RBFOX1: variants seen among roughly 807,000 people sequenced by gnomAD.
RBFOX1 encodes the protein RNA binding protein fox-1 homolog 1.
A neutral mutation model predicts 57.7 loss-of-function variants in RBFOX1; 8 were observed. That is an observed-to-expected ratio of 0.14 (90% confidence interval 0.08 to 0.25). The LOEUF (loss-of-function observed/expected upper bound fraction) is 0.25. Among genes scored for constraint, RBFOX1 ranks in the 10% least tolerant of loss-of-function variants. RBFOX1 has a pLI of 1.00. For missense variants in RBFOX1, 611 were observed against 548.5 expected (o/e 1.11, Z -1.14); for synonymous variants, 326 against 222.4 (o/e 1.47, Z -4.15).
At chr16:6,297,543 T>C (rs1373851778) in intron 1 of RBFOX1, among the ~76,000 whole-genome samples, 1 of 152,096 alleles carries the variant, frequency 6.6e-6, no homozygotes, top group African/African-American at 2.4e-5. Context: ...ATAGTGGTGA[T>C]TTGTACAGTA....
chr16:6,286,652 G>A (rs952792031), intron 1 of RBFOX1, among the ~76,000 whole-genome samples: 3 of 152,128 alleles, frequency 2.0e-5, no homozygotes, highest in Non-Finnish European at 4.4e-5. Context: ...TGGACTCCGA[G>A]CAGAAGGTTA....
At chr16:7,203,359 G>T (rs1001667761) in intron 4 of RBFOX1, among the ~76,000 whole-genome samples, 1 of 152,182 alleles carries the variant, frequency 6.6e-6, no homozygotes, top group Non-Finnish European at 1.5e-5. Context: ...CAAGGAGAAT[G>T]GTGGTGGCTG....
intron 15 of RBFOX1, 39 bp downstream of exon 15, chr16:7,709,170 C>G: frequency 1.3e-6 from 2 of 1,545,282 alleles, no homozygotes; most frequent in Non-Finnish European, 1.8e-6. Flanking sequence ...TTCCTCCTGC[C>G]TCCCTTCCCT....
chr16:6,539,017 T>G (rs949257710), intron 2 of RBFOX1, among the ~76,000 whole-genome samples: 8 of 152,148 alleles, frequency 5.3e-5, no homozygotes. Context: ...TTTTACTGTC[T>G]CATGTGGAGT....
intron 5 of RBFOX1, among the ~76,000 whole-genome samples, chr16:7,563,608 C>T (rs1223324944): frequency 1.3e-5 from 2 of 152,114 alleles, no homozygotes; most frequent in African/African-American, 2.4e-5. Context: ...GCTGGGACTA[C>T]AGGCACACAC....
At chr16:5,885,719 A>G (rs1271990197) in intron 4 of RBFOX1, among the ~76,000 whole-genome samples, 1 of 152,202 alleles carries the variant, frequency 6.6e-6, no homozygotes, top group African/African-American at 2.4e-5. Flanking sequence ...CTGCTTTCTC[A>G]TCGAGTTTAG....
intron 3 of RBFOX1, among the ~76,000 whole-genome samples, chr16:6,897,510 C>A (rs1271090064): frequency 3.3e-5 from 5 of 152,162 alleles, no homozygotes; most frequent in African/African-American, 1.2e-4. Context: ...TCCAGAAGTC[C>A]AGGTTGGGTG....
chr16:6,500,110 C>A (rs1010989102), intron 2 of RBFOX1, among the ~76,000 whole-genome samples: 2 of 152,150 alleles, frequency 1.3e-5, no homozygotes, highest in African/African-American at 4.8e-5. Flanking sequence ...TTGAAGGAGC[C>A]ATTCTTGAAA....
At chr16:5,277,094 T>C (rs2063160212) in intron 1 of RBFOX1, among the ~76,000 whole-genome samples, 1 of 151,690 alleles carries the variant, frequency 6.6e-6, no homozygotes, top group African/African-American at 2.4e-5. Context: ...TTTATATGTA[T>C]ATATATATAT....
intron 3 of RBFOX1, among the ~76,000 whole-genome samples, chr16:5,839,135 A>G (rs1158509912): frequency 6.6e-6 from 1 of 152,226 alleles, no homozygotes; most frequent in Non-Finnish European, 1.5e-5. Context: ...GCTGAAAAAC[A>G]CGGACTTATA....
Position 6,994,994 on chromosome 16 carries a change from T to A in RBFOX1, c.-15-57063T>A, listed in dbSNP as rs373299991. Reference sequence around the variant, plus strand: ...GTGTGTTGGTCATTGTATTTAAAAATGTGTTTGCATACGTGTGTATATGGA... The same window carrying A: ...GTGTGTTGGTCATTGTATTTAAAAAAGTGTTTGCATACGTGTGTATATGGA... On this transcript the variant is annotated intron_variant, in intron 3 of 15. Coordinates refer to ENST00000550418, the MANE Select transcript of RBFOX1 (RefSeq NM_018723.4). Among the ~76,000 whole-genome samples the A allele has an allele frequency of 1.1e-4, 16 of 149,572 alleles. No homozygotes were observed. In the East Asian group the frequency reaches 2.9e-3, roughly 27 times the overall value.
chr16:6,295,907 A>T (rs1179882318), intron 1 of RBFOX1, among the ~76,000 whole-genome samples: 1 of 152,218 alleles, frequency 6.6e-6, no homozygotes, highest in African/African-American at 2.4e-5. Flanking sequence ...CTGGGCCACA[A>T]ACTAATCCAG....
chr16:6,006,081 A>T (rs913976011), intron 4 of RBFOX1, among the ~76,000 whole-genome samples: 2 of 152,220 alleles, frequency 1.3e-5, no homozygotes, highest in Admixed American at 1.3e-4. Flanking sequence ...CAATGAGGTT[A>T]TTCATTAGAT....
chr16:7,190,667 T>A (rs2085145823), intron 4 of RBFOX1, among the ~76,000 whole-genome samples: 1 of 152,102 alleles, frequency 6.6e-6, no homozygotes, highest in African/African-American at 2.4e-5. Flanking sequence ...AAATCAGAAA[T>A]TCAGCTCCCC....
At chr16:7,621,509 G>C (rs745781506) in intron 10 of RBFOX1, among the ~76,000 whole-genome samples, 38 of 152,072 alleles carry the variant, frequency 2.5e-4, no homozygotes, top group Non-Finnish European at 4.6e-4. Context: ...TGATCCTCCT[G>C]CCTTGGCTTT....
chr16:5,813,346 AC>A (rs2055503811), intron 3 of RBFOX1, among the ~76,000 whole-genome samples: 1 of 152,076 alleles, frequency 6.6e-6, no homozygotes, highest in South Asian at 2.1e-4. Context: ...TGGTTCCAGA[AC>A]TTTTTCGTCA....
intron 5 of RBFOX1, among the ~76,000 whole-genome samples, chr16:7,577,605 C>A (rs1010534555): frequency 1.6e-4 from 25 of 152,236 alleles, no homozygotes; most frequent in African/African-American, 5.8e-4. Context: ...CTTATCCCAA[C>A]ATTTACCAGT....
chr16:6,939,729 C>G (rs943370757), intron 3 of RBFOX1, among the ~76,000 whole-genome samples: 2 of 152,032 alleles, frequency 1.3e-5, no homozygotes, highest in African/African-American at 2.4e-5. Flanking sequence ...CCGGGCTGGT[C>G]TCAGACTCCT....
chr16:6,079,811 G>A (rs565022421), intron 1 of RBFOX1, among the ~76,000 whole-genome samples: 1 of 152,132 alleles, frequency 6.6e-6, no homozygotes, highest in Admixed American at 6.5e-5. Flanking sequence ...ACTCCAGCCT[G>A]GGCAACAAAG....
Sources: gnomAD v4.1 joint callset for allele counts (sites outside exome capture counted in the v4.1 genomes callset) on GRCh38, gnomAD v4.1.1 for gene constraint, MANE v1.5 for transcripts, NCBI Gene and HGNC (gene_info 2026-07-23, HGNC 2026-07-21) for gene names.